KIAA1217: variants seen among roughly 807,000 people sequenced by gnomAD.
The protein encoded by KIAA1217 is KIAA1217, also known as sickle tail protein homolog.
Under a neutral mutation model 163.9 loss-of-function variants are expected in KIAA1217, and 88 were observed. That is an observed-to-expected ratio of 0.54 (90% CI 0.45 to 0.64). The LOEUF is 0.64. Ranked by LOEUF, KIAA1217 falls within the 30% of genes least tolerant of loss-of-function variation. The pLI, the probability that KIAA1217 is intolerant of heterozygous loss-of-function variation, is 0.00. For missense variants in KIAA1217, 2,372 were observed against 2,475.0 expected (o/e 0.96, Z 0.88); for synonymous variants, 903 against 923.1 (o/e 0.98, Z 0.39).
chr10:23,979,840 A>T (rs547811514), intron 1 of KIAA1217, among the ~76,000 whole-genome samples: 2 of 152,236 alleles, frequency 1.3e-5, no homozygotes, highest in African/African-American at 4.8e-5. Flanking sequence ...TGCTGATTTC[A>T]ATTGATTTTC....
intron 1 of KIAA1217, among the ~76,000 whole-genome samples, chr10:23,786,938 G>A (rs1835520741): frequency 6.6e-6 from 1 of 152,136 alleles, no homozygotes. Flanking sequence ...TGTAGAGGAG[G>A]CTGAATATGA....
rs569406246 is a variant in KIAA1217, at chr10:23,731,199, A to G, written c.-321+35965A>G. ...AAGCCAGAAATAGATACTTTGAGGG[A>G]GGGGAAGGTGGAACAGAAATTTACG... On this transcript the variant is annotated intron_variant, in intron 1 of 18. Coordinates refer to the KIAA1217 transcript ENST00000376462. Among the ~76,000 whole-genome samples, 590 of 152,264 alleles carry G rather than the reference A, an allele frequency of 3.9e-3. 2 individuals are homozygous for G. The highest frequency in any genetic ancestry group is 0.013 in the African/African-American group (543 of 41,550).
intron 4 of KIAA1217, among the ~76,000 whole-genome samples, chr10:24,436,035 AT>A (rs1337289114): frequency 6.6e-6 from 1 of 151,798 alleles, no homozygotes; most frequent in Non-Finnish European, 1.5e-5. Context: ...TAATTTTTGT[AT>A]TTTTAGTAGA....
chr10:24,197,803 A>G (rs1406451443), intron 2 of KIAA1217, among the ~76,000 whole-genome samples: 2 of 152,218 alleles, frequency 1.3e-5, no homozygotes, highest in Non-Finnish European at 2.9e-5. Context: ...CACAAATCTG[A>G]TCATGTCCTT....
intron 2 of KIAA1217, among the ~76,000 whole-genome samples, chr10:24,284,599 G>A (rs370776501): frequency 2.0e-5 from 3 of 152,158 alleles, no homozygotes; most frequent in African/African-American, 7.2e-5. Context: ...TGGTGTAAAT[G>A]TACCACATTT....
chr10:23,976,673 G>A (rs1231418826), intron 1 of KIAA1217, among the ~76,000 whole-genome samples: 1 of 152,164 alleles, frequency 6.6e-6, no homozygotes, highest in East Asian at 1.9e-4. Flanking sequence ...AGATGTGGAG[G>A]AAATTTGGAG....
At chr10:24,081,776 C>T (rs1467453422) in intron 2 of KIAA1217, among the ~76,000 whole-genome samples, 5 of 152,136 alleles carry the variant, frequency 3.3e-5, no homozygotes, top group African/African-American at 4.8e-5. Context: ...GGGCTGCATT[C>T]GAAGCTGTCC....
At chr10:24,518,490 G>C (rs936242054) in intron 10 of KIAA1217, among the ~76,000 whole-genome samples, 1 of 152,196 alleles carries the variant, frequency 6.6e-6, no homozygotes, top group African/African-American at 2.4e-5. Flanking sequence ...ATTCTAGGCA[G>C]ACTGACTTTG....
intron 9 of KIAA1217, among the ~76,000 whole-genome samples, chr10:24,503,749 G>A (rs958827782): frequency 2.6e-5 from 4 of 152,124 alleles, no homozygotes; most frequent in African/African-American, 9.7e-5. Flanking sequence ...TTCAGAGGGG[G>A]CCTATCGGCT....
intron 7 of KIAA1217, 172 bp from the exon 8 acceptor site, chr10:24,494,975 C>T: frequency 1.6e-6 from 1 of 612,960 alleles, no homozygotes; most frequent in Non-Finnish European, 2.8e-6. Flanking sequence ...GTCAGGTGCA[C>T]ACCTGGGAAG....
At chr10:24,471,449 T>C (rs2063501755) in intron 5 of KIAA1217, among the ~76,000 whole-genome samples, 1 of 151,664 alleles carries the variant, frequency 6.6e-6, no homozygotes, top group Admixed American at 6.6e-5. Flanking sequence ...CAAAAATATA[T>C]GAAATCATCA....
At chr10:24,405,754 A>G (rs898795328) in intron 3 of KIAA1217, among the ~76,000 whole-genome samples, 7 of 152,226 alleles carry the variant, frequency 4.6e-5, no homozygotes, top group African/African-American at 1.7e-4. Flanking sequence ...AACAAATGCC[A>G]AACAGGGGGT....
intron 1 of KIAA1217, among the ~76,000 whole-genome samples, chr10:23,696,899 C>T (rs1262011322): frequency 2.0e-5 from 3 of 152,098 alleles, no homozygotes; most frequent in African/African-American, 7.2e-5. Context: ...ATGAATTATG[C>T]ATAGTTAAAA....
chr10:23,916,082 G>C (rs1842623268), intron 1 of KIAA1217, among the ~76,000 whole-genome samples: 1 of 152,102 alleles, frequency 6.6e-6, no homozygotes, highest in African/African-American at 2.4e-5. Context: ...AAAATATTCA[G>C]CCTCCGGTTG....
intron 4 of KIAA1217, 76 bp downstream of exon 4, chr10:24,433,269 G>GT: frequency 1.7e-6 from 2 of 1,173,244 alleles, no homozygotes; most frequent in South Asian, 1.5e-5. Flanking sequence ...TGTTTTTGAG[G>GT]GGTTTTTTTT....
At chr10:24,341,617 T>TAGCCAAAG (rs1295518685) in intron 2 of KIAA1217, among the ~76,000 whole-genome samples, 1 of 151,926 alleles carries the variant, frequency 6.6e-6, no homozygotes, top group Non-Finnish European at 1.5e-5. Flanking sequence ...CTCTGCGTCA[T>TAGCCAAAG]AGCCAAAGAC....
chr10:23,751,606 A>T (rs557440005), intron 1 of KIAA1217, among the ~76,000 whole-genome samples: 1 of 152,120 alleles, frequency 6.6e-6, no homozygotes, highest in Non-Finnish European at 1.5e-5. Context: ...TAAAAAAAAA[A>T]GAAATTTCTT....
At chr10:23,767,713 T>A (rs1195438867) in intron 1 of KIAA1217, among the ~76,000 whole-genome samples, 1 of 152,180 alleles carries the variant, frequency 6.6e-6, no homozygotes, top group Non-Finnish European at 1.5e-5. Flanking sequence ...TCACTGGTGA[T>A]GCATTTGCAT....
At chr10:24,360,040 C>CATTTT (rs55881849) in intron 2 of KIAA1217, among the ~76,000 whole-genome samples, 5,344 of 94,218 alleles carry the variant, frequency 0.057, 573 homozygotes, top group East Asian at 0.15. Context: ...GATATAATTA[C>CATTTT]TTTTTTTTTT....
Sources: gnomAD v4.1 joint callset for allele counts (sites outside exome capture counted in the v4.1 genomes callset) on GRCh38, gnomAD v4.1.1 for gene constraint, MANE v1.5 for transcripts, NCBI Gene and HGNC (gene_info 2026-07-23, HGNC 2026-07-21) for gene names.